HYOU1: variants seen among roughly 807,000 people sequenced by gnomAD.
HYOU1 encodes the protein hypoxia up-regulated 1, also known as hypoxia up-regulated protein 1.
HYOU1 carries 40 observed loss-of-function variants against 120.5 expected under a neutral mutation model. The ratio of observed to expected loss-of-function variants is 0.33; its 90% CI spans 0.26 to 0.43. The LOEUF (loss-of-function observed/expected upper bound fraction) is 0.43. Ranked by LOEUF, HYOU1 falls within the 20% of genes least tolerant of loss-of-function variation. HYOU1 has a pLI of 1.00. For synonymous variants in HYOU1, 501 were observed against 479.4 expected, an observed-to-expected ratio of 1.05 and a Z score of -0.59; for missense variants, 1,085 against 1,278.3, an observed-to-expected ratio of 0.85 and a Z score of 2.31.
At chr11:119,050,799 C>A in intron 14 of HYOU1, among the ~76,000 whole-genome samples, 1 of 131,622 alleles carries the variant, frequency 7.6e-6, no homozygotes, top group Non-Finnish European at 1.6e-5. Context: ...AAGAAATTTA[C>A]AATGCCTATA....
chr11:119,049,848 G>A lies in HYOU1; in HGVS notation c.1666-11C>T, dbSNP rs902012437. On this transcript the variant is annotated splice_polypyrimidine_tract_variant and intron_variant, in intron 14 of 25. Transcript: ENST00000617285. ...AAATACAGACTCCACCTGAAAACAG[G>A]TTCAAAATGAAAAAATACACAGGCT... 1 of 1,613,320 alleles carries A rather than the reference G, an allele frequency of 6.2e-7. No homozygotes were observed. Among genetic ancestry groups the A allele is most frequent in the East Asian group, 2.2e-5 (1 of 44,872 alleles).
rs1315733656 is a variant in HYOU1, at chr11:119,045,156, C to G, written c.*437G>C. On this transcript the variant is annotated 3_prime_UTR_variant, in exon 26 of 26. Coordinates refer to ENST00000617285, the MANE Select transcript of HYOU1 (RefSeq NM_006389.5). ...TAACTGAGGCTCTGCAGACACTGGCCTGAAAGGATGCTCATCGCATGGTGG... is the reference window on the plus strand; with the variant it reads ...TAACTGAGGCTCTGCAGACACTGGCGTGAAAGGATGCTCATCGCATGGTGG... The G allele has an allele frequency of 6.6e-6, 3 of 457,476 alleles. No individual in the cohort carries two copies. The highest frequency in any genetic ancestry group is 1.3e-5 in the Non-Finnish European group (3 of 227,628). The allele number at this position is 457,476 out of a possible 1,614,324, so 28.3% of individuals were successfully genotyped here.
At position 119,051,828 on chromosome 11, in the gene HYOU1, G is replaced by A; in HGVS notation, c.1329C>T (p.Tyr443=). 1 of 1,614,198 alleles carries A rather than the reference G, an allele frequency of 6.2e-7. No individual in the cohort carries two copies. The highest frequency in any genetic ancestry group is 8.5e-7 in the Non-Finnish European group (1 of 1,180,022). ...KPFVVRDAVV[Y]PILVEFTREV... ...AGTCAGGCTCACTCACCAGGATGGG[G>A]TAGACCACTGCATCTCGGACGACAA... Residue 443 remains tyrosine (Y), a synonymous_variant, in exon 12 of 26, where the codon TAC becomes TAT. Coordinates refer to ENST00000617285, the MANE Select transcript of HYOU1 (RefSeq NM_006389.5). This position sits in a 1 kb window ranked among gnomAD's most constrained non-coding sequence, Gnocchi z 4.2.
At chr11:119,056,251 G>GT (rs782060673) in intron 1 of HYOU1, 84 bp from the exon 2 acceptor site, 1 of 956,328 alleles carries the variant, frequency 1.0e-6, no homozygotes, top group East Asian at 2.6e-5. Context: ...CGGAGAGGCT[G>GT]TAAGATTCAT....
Position 119,048,783 on chromosome 11 carries a change from A to C in HYOU1, c.2096T>G (p.Ile699Ser), listed in dbSNP as rs1318299534. ...PARKRRMVEEIGVELVVLDLP... is the reference protein window; with the variant it reads ...PARKRRMVEESGVELVVLDLP... ...GTCCAGAACAACCAGCTCCACCCCG[A>C]TCTCCTCTACCATTCGCCGCTTCCT... is the stretch of plus-strand genomic sequence containing the variant. Residue 699 changes from isoleucine (I) to serine (S), a missense_variant, in exon 18 of 26, where the codon ATC (isoleucine) becomes AGC (serine). Transcript: ENST00000617285. The surrounding 1 kb of genome is among the most constrained non-coding windows in gnomAD (Gnocchi z 4.7). 6.2e-7 allele frequency: 1 copy of C among 1,613,788 alleles called. No homozygotes were observed. The highest frequency in any genetic ancestry group is 8.5e-7 in the Non-Finnish European group (1 of 1,179,930).
Position 119,054,231 on chromosome 11 carries a change from G to A in HYOU1, c.684C>T (p.Ile228=). 1 of 1,612,084 alleles carries A rather than the reference G, an allele frequency of 6.2e-7. No homozygotes were observed. Among genetic ancestry groups the A allele is most frequent in the Non-Finnish European group, 8.5e-7 (1 of 1,178,180 alleles). The change falls in exon 8 of 26, where the codon ATC becomes ATT. Residue 228 remains isoleucine, a synonymous_variant. Transcript: ENST00000617285. ...TGCCTGAGCCCATGTCATAGAACAT[G>A]ATATTCTGTAGAGATATCAAGGCAA... ...RKDINTTAQN[I]MFYDMGSGST...
At chr11:119,050,552 T>C (rs1477337031) in intron 14 of HYOU1, among the ~76,000 whole-genome samples, 2 of 151,428 alleles carry the variant, frequency 1.3e-5, no homozygotes, top group Non-Finnish European at 2.9e-5. Context: ...CCTATCTCTA[T>C]AAATAAAGTA....
chr11:119,046,525 G>A, intron 23 of HYOU1, 37 bp downstream of exon 23: 7 of 1,614,068 alleles, frequency 4.3e-6, no homozygotes, highest in Non-Finnish European at 5.9e-6. Flanking sequence ...CTGTCTCCCT[G>A]TCCAGCAGAA....
Position 119,045,625 on chromosome 11 carries a change from G to C in HYOU1, c.2968C>G (p.Gln990Glu), listed in dbSNP as rs141977574. The C allele has an allele frequency of 7.4e-6, 12 of 1,614,118 alleles. No homozygotes were observed. Among genetic ancestry groups the C allele is most frequent in the Admixed American group, 1.7e-5 (1 of 60,014 alleles). ...TCGTCGTTCTTCAAAGGCCGCTTCTGTCCTGTCGATTGTTCTTTCTGTTCA... is the reference window on the plus strand; with the variant it reads ...TCGTCGTTCTTCAAAGGCCGCTTCTCTCCTGTCGATTGTTCTTTCTGTTCA... ...EPEQKEQSTG[Q>E]KRPLKNDEL is the part of the protein sequence containing the mutation. Residue 990 changes from glutamine (Q) to glutamate (E), a missense_variant, in exon 26 of 26, where the codon CAG becomes GAG. Physicochemically the swap from Gln to Glu is conservative, Grantham distance 29 (BLOSUM62 2). This residue lies in a region of HYOU1 where 516 missense variants were observed against 517.1 expected (regional missense o/e 1.00). Transcript: ENST00000617285.
rs1272924517 is a variant in HYOU1, at chr11:119,055,237, G to A, written c.367C>T (p.His123Tyr). The change falls in exon 5 of 26, where the codon CAC (histidine) becomes TAC (tyrosine). Residue 123 changes from histidine to tyrosine, a missense_variant. By Grantham distance (83) the His-to-Tyr change is moderately conservative. Around this residue, in one of 4 missense-constraint regions of HYOU1, gnomAD observed 515 missense variants for 677.8 expected, o/e 0.76. Transcript: ENST00000617285. This position sits in a 1 kb window ranked among gnomAD's most constrained non-coding sequence, Gnocchi z 4.0. The stretch of plus-strand genomic sequence containing the variant: ...CTCTGTGGGTCGAAAGTCAGCTCGT[G>A]CTCCGGGAAGCGGGCCTGGTAAAGA... ...VALYQARFPE[H>Y]ELTFDPQRQT... 1.9e-6 allele frequency: 3 copies of A among 1,614,052 alleles called. No homozygotes were observed. The highest frequency in any genetic ancestry group is 2.5e-6 in the Non-Finnish European group (3 of 1,180,022).
In HYOU1 at chr11:119,051,614, C is replaced by G. The variant is rs2133586284; in HGVS notation, c.1350G>C (p.Thr450=). Residue 450 remains threonine (T), a synonymous_variant, in exon 13 of 26, where the codon ACG becomes ACC. Transcript: ENST00000617285. This position sits in a 1 kb window ranked among gnomAD's most constrained non-coding sequence, Gnocchi z 4.2. ...TCCCAGGCTCCTCCTCCACCTCCCT[C>G]GTGAACTCCACCTACACAGCAGGCA... The part of the protein sequence containing the change: ...AVVYPILVEF[T]REVEEEPGIH... 4 of 1,614,042 alleles carry G rather than the reference C, an allele frequency of 2.5e-6. No homozygotes were observed. The Admixed American group carries it at 6.7e-5, about 27-fold the overall frequency.
At chr11:119,056,446 A>C in intron 1 of HYOU1, 1 of 520,360 alleles carries the variant, frequency 1.9e-6, no homozygotes, top group South Asian at 1.6e-5. Context: ...AGGAGACCCG[A>C]GCCTTTTGTC....
chr11:119,055,628 G>A lies in HYOU1; in HGVS notation c.186-57C>T, dbSNP rs936594630. 60 of 1,530,172 alleles carry A rather than the reference G, an allele frequency of 3.9e-5. No individual in the cohort carries two copies. Among genetic ancestry groups the A allele is most frequent in the African/African-American group, 5.5e-5 (4 of 73,182 alleles). 94.8% of individuals were successfully genotyped at this position (1,530,172 alleles called of 1,614,324 possible). Reference sequence around the variant, plus strand: ...TGCAGCAGAAGGACTCAGAAGCCTCGACACTCACACACATTTAACCACTCA... The same window carrying A: ...TGCAGCAGAAGGACTCAGAAGCCTCAACACTCACACACATTTAACCACTCA... On this transcript the variant is annotated intron_variant, in intron 3 of 25. Coordinates refer to ENST00000617285, the MANE Select transcript of HYOU1 (RefSeq NM_006389.5). The surrounding 1 kb of genome is among the most constrained non-coding windows in gnomAD (Gnocchi z 4.0).
Position 119,052,473 on chromosome 11 carries a change from C to T in HYOU1, c.988-44G>A, listed in dbSNP as rs2133593274. The T allele has an allele frequency of 3.0e-5, 49 of 1,613,338 alleles. No homozygotes were observed. The highest frequency in any genetic ancestry group is 3.8e-5 in the Non-Finnish European group (45 of 1,179,740). ...TGTCAGGGGGTTCTTGCCCAGCTCC[C>T]GCTCTCTTGGTGAGTAGGACAGAAA... On this transcript the variant is annotated intron_variant, in intron 9 of 25. Coordinates refer to ENST00000617285, the MANE Select transcript of HYOU1 (RefSeq NM_006389.5). The surrounding 1 kb of genome is among the most constrained non-coding windows in gnomAD (Gnocchi z 5.0).
rs1323935384 is a variant in HYOU1, at chr11:119,048,784, T to A, written c.2095A>T (p.Ile699Phe). The stretch of plus-strand genomic sequence containing the variant: ...TCCAGAACAACCAGCTCCACCCCGA[T>A]CTCCTCTACCATTCGCCGCTTCCTG... ...PARKRRMVEE[I>F]GVELVVLDLP... is the part of the protein sequence containing the mutation. Residue 699 changes from isoleucine to phenylalanine, a missense_variant, in exon 18 of 26, where the codon ATC becomes TTC. Coordinates refer to ENST00000617285, the MANE Select transcript of HYOU1 (RefSeq NM_006389.5). The surrounding 1 kb of genome is among the most constrained non-coding windows in gnomAD (Gnocchi z 4.7). 2 of 1,613,950 alleles carry A rather than the reference T, an allele frequency of 1.2e-6. No individual in the cohort carries two copies. The highest frequency in any genetic ancestry group is 2.2e-5 in the East Asian group (1 of 44,886).
intron 24 of HYOU1, among the ~76,000 whole-genome samples, chr11:119,046,173 C>A (rs2133547830): frequency 2.9e-4 from 44 of 151,926 alleles, no homozygotes; most frequent in Admixed American, 2.9e-3. Context: ...ACCATGTTGG[C>A]CAGGCTGGTC....
At chr11:119,050,787 C>G (rs1944395724) in intron 14 of HYOU1, among the ~76,000 whole-genome samples, 1 of 140,964 alleles carries the variant, frequency 7.1e-6, no homozygotes, top group South Asian at 2.3e-4. Flanking sequence ...TTCAATTGTT[C>G]CAAGAAATTT....
chr11:119,050,952 T>C (rs1944405124), intron 14 of HYOU1, 83 bp downstream of exon 14: 1 of 1,526,870 alleles, frequency 6.5e-7, no homozygotes. Flanking sequence ...TATCTTATCC[T>C]AATGCCATGT....
intron 7 of HYOU1, 95 bp downstream of exon 7, chr11:119,054,399 G>A: frequency 7.3e-7 from 1 of 1,375,554 alleles, no homozygotes; most frequent in East Asian, 2.3e-5. Context: ...CCAAGGGTCA[G>A]CCCAGCCATG....
Sources: gnomAD v4.1 joint callset for allele counts (sites outside exome capture counted in the v4.1 genomes callset) on GRCh38, gnomAD v4.1.1 for gene constraint, gnomAD v4.1.1 regional missense constraint, Gnocchi (gnomAD v3.1) non-coding constraint, MANE v1.5 for transcripts, NCBI Gene and HGNC (gene_info 2026-07-23, HGNC 2026-07-21) for gene names.